RAB7A: variants seen among roughly 807,000 people sequenced by gnomAD.
RAB7A encodes the protein ras-related protein Rab-7a.
RAB7A carries 2 observed loss-of-function variants against 24.5 expected under a neutral mutation model. The ratio of observed to expected loss-of-function variants is 0.08; its 90% CI spans 0.03 to 0.26. The LOEUF is 0.26. Ranked by LOEUF, RAB7A falls within the 10% of genes least tolerant of loss-of-function variation. RAB7A has a pLI of 1.00. For missense variants in RAB7A, 118 were observed against 255.7 expected (o/e 0.46, Z 3.67); for synonymous variants, 100 against 95.9 (o/e 1.04, Z -0.25).
intron 1 of RAB7A, among the ~76,000 whole-genome samples, chr3:128,733,646 C>G (rs1235626898): frequency 6.6e-6 from 1 of 152,142 alleles, no homozygotes; most frequent in Non-Finnish European, 1.5e-5. Flanking sequence ...CAGGATCTTT[C>G]CTCTGTATTG....
chr3:128,795,845 G>A (rs192125023), intron 2 of RAB7A, among the ~76,000 whole-genome samples: 2 of 143,494 alleles, frequency 1.4e-5, no homozygotes, highest in Admixed American at 7.5e-5. Flanking sequence ...TCCGCCTCCC[G>A]GATTCACGCC....
At chr3:128,730,283 G>A (rs908114055) in intron 1 of RAB7A, among the ~76,000 whole-genome samples, 30 of 151,112 alleles carry the variant, frequency 2.0e-4, no homozygotes, top group African/African-American at 7.3e-4. Context: ...AGGCTGGAGT[G>A]CAGTGGTGCC....
intron 1 of RAB7A, among the ~76,000 whole-genome samples, chr3:128,758,778 G>A (rs2070753548): frequency 6.6e-6 from 1 of 152,086 alleles, no homozygotes; most frequent in African/African-American, 2.4e-5. Flanking sequence ...AACTCTTGAG[G>A]GTTCCTTGAA....
intron 1 of RAB7A, among the ~76,000 whole-genome samples, chr3:128,739,353 A>G (rs1217635635): frequency 1.3e-5 from 2 of 152,074 alleles, no homozygotes; most frequent in Non-Finnish European, 2.9e-5. Context: ...TCTCCACCAA[A>G]AATACAAAAA....
At chr3:128,795,751 C>CCTTTTTTTTTTTTTTTTTTTTTTTT in intron 2 of RAB7A, among the ~76,000 whole-genome samples, 1 of 43,038 alleles carries the variant, frequency 2.3e-5, no homozygotes, top group African/African-American at 6.3e-5. Flanking sequence ...AGCAGATGTG[C>CCTTTTTTTTTTTTTTTTTTTTTTTT]TTTTTTTTTT....
intron 5 of RAB7A, among the ~76,000 whole-genome samples, chr3:128,809,936 CTTTTTTTTTTTTTTTTTT>C (rs869119619): frequency 9.6e-5 from 5 of 52,218 alleles, no homozygotes; most frequent in African/African-American, 1.7e-4. Context: ...TTGCCACAGT[CTTTTTTTTTTTTTTTTTT>C]TTTTTTTTTT....
At chr3:128,813,212 C>T in intron 5 of RAB7A, 115 bp from the exon 6 acceptor site, 2 of 978,476 alleles carry the variant, frequency 2.0e-6, no homozygotes, top group Non-Finnish European at 3.3e-6. Flanking sequence ...TTCACAGCTC[C>T]CCGCCCACTC....
chr3:128,789,327 C>CTT (rs10575679), intron 1 of RAB7A, among the ~76,000 whole-genome samples: 56 of 131,702 alleles, frequency 4.3e-4, no homozygotes, highest in East Asian at 2.8e-3. Context: ...ACTTTGTAGC[C>CTT]TTTTTTTTTT....
At chr3:128,796,212 T>C (rs1933571796) in intron 2 of RAB7A, among the ~76,000 whole-genome samples, 1 of 152,092 alleles carries the variant, frequency 6.6e-6, no homozygotes, top group Non-Finnish European at 1.5e-5. Flanking sequence ...TGTGGTAGGT[T>C]GGGTGAGGTG....
At chr3:128,765,484 T>C (rs1239388417) in intron 1 of RAB7A, among the ~76,000 whole-genome samples, 2 of 152,222 alleles carry the variant, frequency 1.3e-5, no homozygotes, top group African/African-American at 4.8e-5. Flanking sequence ...TTAGTTCCTT[T>C]GGGCTATTGT....
chr3:128,786,110 TTC>T (rs1166110648), intron 1 of RAB7A, among the ~76,000 whole-genome samples: 1 of 152,200 alleles, frequency 6.6e-6, no homozygotes, highest in African/African-American at 2.4e-5. Flanking sequence ...CCTGATGAGC[TTC>T]TTTTTCTTCA....
intron 3 of RAB7A, among the ~76,000 whole-genome samples, chr3:128,804,123 C>T (rs1003646119): frequency 1.0e-4 from 15 of 145,598 alleles, no homozygotes; most frequent in South Asian, 2.1e-4. Flanking sequence ...GGCCCCCCCC[C>T]GCCCCCAGCA....
chr3:128,790,792 T>C (rs941491946), intron 1 of RAB7A, among the ~76,000 whole-genome samples: 1 of 152,222 alleles, frequency 6.6e-6, no homozygotes, highest in Admixed American at 6.5e-5. Flanking sequence ...GGCAAGTCTC[T>C]TGTCATTTGT....
intron 1 of RAB7A, among the ~76,000 whole-genome samples, chr3:128,794,464 G>C (rs1309608872): frequency 6.6e-6 from 1 of 152,218 alleles, no homozygotes; most frequent in Admixed American, 6.5e-5. Flanking sequence ...CATATCTGCT[G>C]CTTAAGTCAC....
chr3:128,806,624 C>T (rs1403824522), intron 4 of RAB7A, 34 bp downstream of exon 4: 1 of 1,581,142 alleles, frequency 6.3e-7, no homozygotes, highest in Admixed American at 1.7e-5. Context: ...TTGTCACAGA[C>T]ACCTGCTCCC....
At chr3:128,752,386 AAG>A (rs1380128662) in intron 1 of RAB7A, among the ~76,000 whole-genome samples, 1 of 152,286 alleles carries the variant, frequency 6.6e-6, no homozygotes, top group East Asian at 1.9e-4. Flanking sequence ...AGTGGGACAA[AAG>A]AGTAAAGGAG....
At chr3:128,772,650 A>G (rs963695221) in intron 1 of RAB7A, among the ~76,000 whole-genome samples, 1 of 152,206 alleles carries the variant, frequency 6.6e-6, no homozygotes, top group Admixed American at 6.5e-5. Flanking sequence ...CCCTTTCGCA[A>G]ATTGTTGGAC....
At position 128,813,479 on chromosome 3, in the gene RAB7A, T is replaced by A; in HGVS notation, c.*57T>A. 6.9e-7 allele frequency: 1 copy of A among 1,450,666 alleles called. No individual in the cohort carries two copies. The highest frequency in any genetic ancestry group is 9.7e-7 in the Non-Finnish European group (1 of 1,032,888). The allele number at this position is 1,450,666 out of a possible 1,614,324, so 89.9% of individuals were successfully genotyped here. A position where few individuals can be genotyped will look rare whatever the true frequency, so the allele number is the denominator to read the frequency against. Reference sequence around the variant, plus strand: ...CACAAACCAAGAACACACGTAGGCCTTCAACACAATTCCCCTCTCCTCTTC... The same window carrying A: ...CACAAACCAAGAACACACGTAGGCCATCAACACAATTCCCCTCTCCTCTTC... On this transcript the variant is annotated 3_prime_UTR_variant, in exon 6 of 6. Coordinates refer to ENST00000265062, the MANE Select transcript of RAB7A (RefSeq NM_004637.6).
chr3:128,734,267 T>C (rs1576266460), intron 1 of RAB7A, among the ~76,000 whole-genome samples: 1 of 151,716 alleles, frequency 6.6e-6, no homozygotes, highest in East Asian at 1.9e-4. Flanking sequence ...CTGTGTCTAC[T>C]GAAAATACAA....
Sources: gnomAD v4.1 joint callset for allele counts (sites outside exome capture counted in the v4.1 genomes callset) on GRCh38, gnomAD v4.1.1 for gene constraint, MANE v1.5 for transcripts, NCBI Gene and HGNC (gene_info 2026-07-23, HGNC 2026-07-21) for gene names.